SEC24D: variants seen among roughly 807,000 people sequenced by gnomAD.
The protein encoded by SEC24D is SEC24 homolog D, COPII component.
Under a neutral mutation model 116.9 loss-of-function variants are expected in SEC24D, and 69 were observed. That is an observed-to-expected ratio of 0.59 (90% confidence interval 0.49 to 0.72). SEC24D has a LOEUF of 0.72. SEC24D is among the 30% of genes least tolerant of loss of function. The pLI is 0.00. For missense variants in SEC24D, 1,131 were observed against 1,264.1 expected, an observed-to-expected ratio of 0.89 and a Z score of 1.60; for synonymous variants, 405 against 442.8, an observed-to-expected ratio of 0.91 and a Z score of 1.07.
chr4:118,816,384 C>T lies in SEC24D; in HGVS notation c.398-658G>A, dbSNP rs145650306. On this transcript the variant is annotated intron_variant, in intron 4 of 22. Transcript: ENST00000280551. ...AGAAAATCATATAAAAATTCTATTA[C>T]ATAACAAGCATTACTCAGGTAAATT... Among the ~76,000 whole-genome samples, 42 of 152,214 alleles carry T rather than the reference C, an allele frequency of 2.8e-4. 1 individual carries two copies. In the East Asian group the frequency reaches 6.4e-3, roughly 23 times the overall value.
At chr4:118,802,000 GA>G (rs1236167514) in intron 7 of SEC24D, among the ~76,000 whole-genome samples, 1 of 152,172 alleles carries the variant, frequency 6.6e-6, no homozygotes, top group Non-Finnish European at 1.5e-5. Flanking sequence ...AAAGCTCCAG[GA>G]AAGGGCTTAG....
At chr4:118,763,380 C>G (rs1363527738) in intron 10 of SEC24D, among the ~76,000 whole-genome samples, 2 of 143,092 alleles carry the variant, frequency 1.4e-5, no homozygotes, top group Non-Finnish European at 3.1e-5. Flanking sequence ...GAAAAAAATT[C>G]TAGTTAGGAA....
At position 118,740,764 on chromosome 4, in the gene SEC24D, T is replaced by G. The variant is rs1343373122; in HGVS notation, c.2137A>C (p.Thr713Pro). The change falls in exon 17 of 23, where the codon ACC becomes CCC. Residue 713 changes from threonine to proline, a missense_variant. Coordinates refer to ENST00000280551, the MANE Select transcript of SEC24D (RefSeq NM_014822.4). ...DFFGGILMNN[T>P]TDVEMAAIDC... ...ATGGCAGCCATTTCTACATCGGTGGTGTTGTTCATCAAGATTCCACCAAAG... is the reference window on the plus strand; with the variant it reads ...ATGGCAGCCATTTCTACATCGGTGGGGTTGTTCATCAAGATTCCACCAAAG... 6.2e-7 allele frequency: 1 copy of G among 1,613,954 alleles called. No individual in the cohort carries two copies. The highest frequency in any genetic ancestry group is 8.5e-7 in the Non-Finnish European group (1 of 1,179,900).
intron 13 of SEC24D, among the ~76,000 whole-genome samples, chr4:118,746,355 T>C (rs1230403250): frequency 2.6e-5 from 4 of 152,028 alleles, no homozygotes; most frequent in Admixed American, 6.6e-5. Flanking sequence ...CCGACATTTA[T>C]TGCATGCAGC....
At chr4:118,755,567 C>A (rs572390623) in intron 11 of SEC24D, among the ~76,000 whole-genome samples, 4 of 151,294 alleles carry the variant, frequency 2.6e-5, no homozygotes, top group African/African-American at 9.7e-5. Flanking sequence ...AAAAGTCTGG[C>A]GACCTTGAGA....
rs146914286 is a variant in SEC24D at position 118,822,965 on chromosome 4, G to A, written c.248+1655C>T. The stretch of plus-strand genomic sequence containing the variant: ...AGTGAGTCTGTGAGCCACCACACCC[G>A]GCAACAATGAATTTTTCCAGATCTT... On this transcript the variant is annotated intron_variant, in intron 3 of 22. Coordinates refer to ENST00000280551, the MANE Select transcript of SEC24D (RefSeq NM_014822.4). Among the ~76,000 whole-genome samples the A allele has an allele frequency of 4.9e-3, 740 of 151,880 alleles. 6 individuals carry two copies. Among genetic ancestry groups the A allele is most frequent in the African/African-American group, 0.017 (693 of 41,406 alleles).
At chr4:118,743,368 C>T (rs1222699677) in intron 15 of SEC24D, among the ~76,000 whole-genome samples, 2 of 151,938 alleles carry the variant, frequency 1.3e-5, no homozygotes, top group South Asian at 2.1e-4. Flanking sequence ...CACACACACA[C>T]ACACACACAC....
intron 22 of SEC24D, among the ~76,000 whole-genome samples, chr4:118,727,873 T>G (rs1230087502): frequency 6.6e-6 from 1 of 152,112 alleles, no homozygotes; most frequent in African/African-American, 2.4e-5. Flanking sequence ...TGGTTCAGAT[T>G]GACATCACAT....
intron 19 of SEC24D, among the ~76,000 whole-genome samples, chr4:118,735,082 G>A (rs1222394441): frequency 6.6e-6 from 1 of 152,166 alleles, no homozygotes; most frequent in Non-Finnish European, 1.5e-5. Context: ...GTCATATTAA[G>A]AGTTCAGAAA....
Position 118,812,597 on chromosome 4 carries a change from G to A in SEC24D, c.801+2431C>T, listed in dbSNP as rs150290026. Among the ~76,000 whole-genome samples, 35 of 151,626 alleles carry A rather than the reference G, an allele frequency of 2.3e-4. No homozygotes were observed. The East Asian group carries it at 6.2e-3, about 27-fold the overall frequency. On this transcript the variant is annotated intron_variant, in intron 6 of 22. Coordinates refer to ENST00000280551, the MANE Select transcript of SEC24D (RefSeq NM_014822.4). ...ACAGACATGGGAAGAGGCGGAGTTT[G>A]GCCGGGGCAGTCGGAGACCCAGGGC... is the stretch of plus-strand genomic sequence containing the variant.
chr4:118,774,371 A>G (rs1262830800), intron 8 of SEC24D, among the ~76,000 whole-genome samples: 1 of 152,148 alleles, frequency 6.6e-6, no homozygotes, highest in Non-Finnish European at 1.5e-5. Context: ...TAAATGTAAG[A>G]GCATAACTAT....
chr4:118,815,114 G>A lies in SEC24D; in HGVS notation c.715C>T (p.Pro239Ser), dbSNP rs773400284. Residue 239 changes from proline to serine, a missense_variant, in exon 6 of 23, where the codon CCA becomes TCA. Physicochemically the swap from Pro to Ser is moderately conservative, Grantham distance 74 (BLOSUM62 -1). Coordinates refer to ENST00000280551, the MANE Select transcript of SEC24D (RefSeq NM_014822.4). The stretch of plus-strand genomic sequence containing the variant: ...GCAGGACCTCCAGGGAAGCCTCCTG[G>A]GTAAGACAGTTGTGCGCCTGCCATC... ...PQMAGAQLSY[P>S]GGFPGGPAQM... 11 of 1,614,168 alleles carry A rather than the reference G, an allele frequency of 6.8e-6. No individual in the cohort carries two copies. The highest frequency in any genetic ancestry group is 5.0e-5 in the Admixed American group (3 of 60,020).
At position 118,732,892 on chromosome 4, in the gene SEC24D, C is replaced by T; in HGVS notation, c.2517G>A (p.Met839Ile). Residue 839 changes from methionine (M) to isoleucine (I), a missense_variant, in exon 20 of 23, where the codon ATG becomes ATA. Met to Ile is a conservative substitution (Grantham distance 10). Transcript: ENST00000280551. ...AASQLILPDSMKVLPVYMNCL... is the reference protein window; with the variant it reads ...AASQLILPDSIKVLPVYMNCL... ...AATTCATGTACACTGGCAATACTTT[C>T]ATGGAATCTGGTAGAATAAGCTGAA... 6.2e-7 allele frequency: 1 copy of T among 1,613,686 alleles called. No homozygotes were observed.
intron 11 of SEC24D, among the ~76,000 whole-genome samples, chr4:118,755,293 T>G (rs1249379202): frequency 6.6e-6 from 1 of 152,008 alleles, no homozygotes; most frequent in Non-Finnish European, 1.5e-5. Context: ...GACTAATACA[T>G]TGATGTTCTT....
chr4:118,747,920 T>C (rs940622576), intron 13 of SEC24D, among the ~76,000 whole-genome samples: 3 of 152,176 alleles, frequency 2.0e-5, no homozygotes. Context: ...AATTCCATCA[T>C]CCAGTACACA....
At chr4:118,814,041 A>G (rs535862786) in intron 6 of SEC24D, among the ~76,000 whole-genome samples, 33 of 152,228 alleles carry the variant, frequency 2.2e-4, no homozygotes, top group Non-Finnish European at 3.8e-4. Context: ...CTAATATGGT[A>G]GCTTTTCCTG....
At position 118,723,362 on chromosome 4, in the gene SEC24D, C is replaced by T. The variant is rs1488972618; in HGVS notation, c.*153G>A. The T allele has an allele frequency of 8.6e-6, 6 of 699,962 alleles. No individual in the cohort carries two copies. The highest frequency in any genetic ancestry group is 1.4e-5 in the Non-Finnish European group (6 of 434,140). 43.4% of individuals were successfully genotyped at this position (699,962 alleles called of 1,614,324 possible). A position where few individuals can be genotyped will look rare whatever the true frequency, so the allele number is the denominator to read the frequency against. On this transcript the variant is annotated 3_prime_UTR_variant, in exon 23 of 23. Transcript: ENST00000280551. ...CCTTAATTGGCTTTATACCTGAGCACCAAAGCTGAAGTTCTAAATGCCATC... is the reference window on the plus strand; with the variant it reads ...CCTTAATTGGCTTTATACCTGAGCATCAAAGCTGAAGTTCTAAATGCCATC...
rs185112186 is a variant in SEC24D, at chr4:118,732,666, C to A, written c.2676+67G>T. 1,702 of 1,441,920 alleles carry A rather than the reference C, an allele frequency of 1.2e-3. 3 individuals carry two copies. Among genetic ancestry groups the A allele is most frequent in the Non-Finnish European group, 1.6e-3 (1,625 of 1,045,720 alleles). 89.3% of individuals were successfully genotyped at this position (1,441,920 alleles called of 1,614,324 possible). On this transcript the variant is annotated intron_variant, in intron 20 of 22. Coordinates refer to ENST00000280551, the MANE Select transcript of SEC24D (RefSeq NM_014822.4). ...AACAACATATTTCAGATATAACATACGGGAAAGCACAAAATATGATTCCCT... is the reference window on the plus strand; with the variant it reads ...AACAACATATTTCAGATATAACATAAGGGAAAGCACAAAATATGATTCCCT...
In SEC24D at chr4:118,732,801, T is replaced by C. The variant is rs779984121; in HGVS notation, c.2608A>G (p.Arg870Gly). The C allele has an allele frequency of 6.2e-7, 1 of 1,614,142 alleles. No individual in the cohort carries two copies. The highest frequency in any genetic ancestry group is 2.2e-5 in the East Asian group (1 of 44,890). ...ACACCCATGGTCATGACCAGCTGTC[T>C]CTGGTATGCTCGTTCATCAGTTGAG... ...EISTDERAYQ[R>G]QLVMTMGVAD... Residue 870 changes from arginine (R) to glycine (G), a missense_variant, in exon 20 of 23, where the codon AGA becomes GGA. Transcript: ENST00000280551.
Sources: gnomAD v4.1 joint callset for allele counts (sites outside exome capture counted in the v4.1 genomes callset) on GRCh38, gnomAD v4.1.1 for gene constraint, MANE v1.5 for transcripts, NCBI Gene and HGNC (gene_info 2026-07-23, HGNC 2026-07-21) for gene names.